The following IQCK variants were observed in gnomAD, a reference collection of about 807,000 sequenced individuals.
IQCK encodes the protein IQ motif containing K.
IQCK carries 29 observed loss-of-function variants against 28.1 expected under a neutral mutation model. The observed-to-expected ratio is 1.03, with a 90% CI of 0.77 to 1.41. The LOEUF is 1.41. Among genes scored for constraint, IQCK ranks in the 40% most tolerant of loss-of-function variants. The pLI, the probability that IQCK is intolerant of heterozygous loss-of-function variation, is 0.00. For synonymous variants in IQCK, 113 were observed against 115.1 expected (o/e 0.98, Z 0.12); for missense variants, 359 against 314.7 (o/e 1.14, Z -1.07).
chr16:19,846,334 A>G (rs1419201395), intron 9 of IQCK, among the ~76,000 whole-genome samples: 1 of 152,148 alleles, frequency 6.6e-6, no homozygotes, highest in Non-Finnish European at 1.5e-5. Flanking sequence ...CTCCATTGCT[A>G]GGTTTGATTT....
At chr16:19,773,374 G>A (rs980635515) in intron 6 of IQCK, among the ~76,000 whole-genome samples, 1 of 152,078 alleles carries the variant, frequency 6.6e-6, no homozygotes, top group East Asian at 1.9e-4. Context: ...CTCAGATAAC[G>A]CCAACCCTCC....
chr16:19,843,575 A>C (rs1298163249), intron 9 of IQCK, among the ~76,000 whole-genome samples: 1 of 152,242 alleles, frequency 6.6e-6, no homozygotes, highest in Non-Finnish European at 1.5e-5. Context: ...TGTATTAGTC[A>C]GCTCAGGCTG....
intron 6 of IQCK, among the ~76,000 whole-genome samples, chr16:19,776,146 G>T (rs1316585498): frequency 6.6e-6 from 1 of 152,090 alleles, no homozygotes; most frequent in African/African-American, 2.4e-5. Flanking sequence ...CTCCCAAAGT[G>T]CTGGGATTAC....
chr16:19,856,410 A>T, intron 9 of IQCK, 77 bp from the exon 9 acceptor site: 3 of 1,228,016 alleles, frequency 2.4e-6, no homozygotes, highest in Non-Finnish European at 3.6e-6. Flanking sequence ...TCCACACATC[A>T]GAGTTTCCGG....
intron 9 of IQCK, among the ~76,000 whole-genome samples, chr16:19,847,596 G>A (rs949083974): frequency 5.3e-5 from 8 of 152,136 alleles, no homozygotes; most frequent in Non-Finnish European, 1.0e-4. Flanking sequence ...TGTGTCTGGC[G>A]TCTGTGTCTT....
intron 6 of IQCK, among the ~76,000 whole-genome samples, chr16:19,782,243 G>A (rs189512240): frequency 9.2e-5 from 14 of 151,730 alleles, no homozygotes; most frequent in African/African-American, 2.9e-4. Flanking sequence ...GTGGAAGGCC[G>A]GGCATGGTGG....
At chr16:19,748,878 A>G (rs2054948489) in intron 4 of IQCK, among the ~76,000 whole-genome samples, 1 of 152,234 alleles carries the variant, frequency 6.6e-6, no homozygotes, top group Non-Finnish European at 1.5e-5. Context: ...TGCTAGAATC[A>G]CATCCTGTAA....
intron 9 of IQCK, among the ~76,000 whole-genome samples, chr16:19,850,734 G>T (rs1785526648): frequency 6.6e-6 from 1 of 152,126 alleles, no homozygotes; most frequent in African/African-American, 2.4e-5. Context: ...ATAATAGCTG[G>T]CTGGGTGCTG....
intron 6 of IQCK, among the ~76,000 whole-genome samples, chr16:19,779,557 G>A (rs564751486): frequency 9.9e-5 from 15 of 152,072 alleles, no homozygotes; most frequent in Non-Finnish European, 2.1e-4. Context: ...GACTCCATCT[G>A]CCATCTGGAT....
intron 9 of IQCK, among the ~76,000 whole-genome samples, chr16:19,841,359 C>T (rs2056360492): frequency 6.6e-6 from 1 of 152,136 alleles, no homozygotes; most frequent in South Asian, 2.1e-4. Flanking sequence ...TCATTTTCTT[C>T]TCGTGGCATC....
rs140751148 is a variant in IQCK at position 19,729,586 on chromosome 16, T to C, written c.182-844T>C. ...CTTAGATAAAGCGTCGACTCTTTCA[T>C]GTAAGAGACCAACCATCTCTTACCG... On this transcript the variant is annotated intron_variant, in intron 1 of 7. Transcript: ENST00000564186. Among the ~76,000 whole-genome samples, 388 of 152,264 alleles carry C rather than the reference T, an allele frequency of 2.5e-3. 2 individuals are homozygous for C. The highest frequency in any genetic ancestry group is 8.7e-3 in the African/African-American group (363 of 41,574).
intron 1 of IQCK, among the ~76,000 whole-genome samples, chr16:19,728,831 G>A (rs180803789): frequency 6.6e-6 from 1 of 152,306 alleles, no homozygotes; most frequent in African/African-American, 2.4e-5. Flanking sequence ...TGACATTCTT[G>A]TCCCCAGCCT....
At chr16:19,757,443 C>A (rs776895093) in intron 4 of IQCK, among the ~76,000 whole-genome samples, 2 of 152,208 alleles carry the variant, frequency 1.3e-5, no homozygotes, top group African/African-American at 2.4e-5. Flanking sequence ...GAGGCCGAGG[C>A]GGGTAGATCA....
intron 4 of IQCK, among the ~76,000 whole-genome samples, chr16:19,754,704 T>G (rs2055029851): frequency 6.6e-6 from 1 of 152,168 alleles, no homozygotes; most frequent in Non-Finnish European, 1.5e-5. Flanking sequence ...TTCCTTCTTA[T>G]AATTAAAAAC....
At chr16:19,730,012 G>A (rs1448893859) in intron 1 of IQCK, among the ~76,000 whole-genome samples, 3 of 151,216 alleles carry the variant, frequency 2.0e-5, no homozygotes, top group Non-Finnish European at 4.4e-5. Flanking sequence ...CTGGAGTGCA[G>A]TGGCAGGATC....
chr16:19,792,270 C>G (rs2055624158), intron 7 of IQCK, among the ~76,000 whole-genome samples: 1 of 35,152 alleles, frequency 2.8e-5, no homozygotes, highest in Non-Finnish European at 4.1e-5. Context: ...GTGGTCTCAT[C>G]AGTTGGCAGC....
intron 1 of IQCK, among the ~76,000 whole-genome samples, chr16:19,725,059 A>G (rs1222952125): frequency 1.3e-5 from 2 of 152,164 alleles, no homozygotes; most frequent in East Asian, 1.9e-4. Context: ...TGTAAAACGA[A>G]CAACAACTTT....
intron 9 of IQCK, among the ~76,000 whole-genome samples, chr16:19,851,250 A>T (rs926695266): frequency 6.6e-6 from 1 of 152,132 alleles, no homozygotes; most frequent in Admixed American, 6.6e-5. Context: ...CAAACTTGCC[A>T]GATCAAAACA....
intron 7 of IQCK, among the ~76,000 whole-genome samples, chr16:19,822,673 G>A (rs1278550519): frequency 6.6e-6 from 1 of 152,136 alleles, no homozygotes; most frequent in African/African-American, 2.4e-5. Flanking sequence ...TCTGTGGTTG[G>A]CTGGGGTAGA....
Sources: gnomAD v4.1 joint callset for allele counts (sites outside exome capture counted in the v4.1 genomes callset) on GRCh38, gnomAD v4.1.1 for gene constraint, MANE v1.5 for transcripts, NCBI Gene and HGNC (gene_info 2026-07-23, HGNC 2026-07-21) for gene names.